BLOC1S5: variants seen among roughly 807,000 people sequenced by gnomAD.
The protein encoded by BLOC1S5 is biogenesis of lysosome-related organelles complex 1 subunit 5.
In BLOC1S5, 27 loss-of-function variants were observed where a neutral mutation model predicts 24.3. That is an observed-to-expected ratio of 1.11 (90% CI 0.82 to 1.53). BLOC1S5 has a LOEUF of 1.53. BLOC1S5 is among the 40% of genes most tolerant of loss of function. BLOC1S5 has a pLI of 0.00. For missense variants in BLOC1S5, 239 were observed against 229.4 expected, an observed-to-expected ratio of 1.04 and a Z score of -0.27; for synonymous variants, 84 against 74.5, an observed-to-expected ratio of 1.13 and a Z score of -0.66.
At chr6:8,020,217 C>T (rs1762872169) in intron 4 of BLOC1S5, among the ~76,000 whole-genome samples, 2 of 152,174 alleles carry the variant, frequency 1.3e-5, no homozygotes, top group Admixed American at 6.5e-5. Context: ...GAAGACCCTT[C>T]GAGACATGGA....
At chr6:8,047,199 C>CACACACACAG (rs796826479) in intron 2 of BLOC1S5, among the ~76,000 whole-genome samples, 139 of 112,688 alleles carry the variant, frequency 1.2e-3, no homozygotes, top group African/African-American at 2.0e-3. Context: ...CACACACACA[C>CACACACACAG]AGTCAACAGT....
chr6:8,059,655 A>G (rs1177314207), intron 2 of BLOC1S5, among the ~76,000 whole-genome samples: 1 of 152,228 alleles, frequency 6.6e-6, no homozygotes, highest in Non-Finnish European at 1.5e-5. Context: ...AAACATGTTG[A>G]GCTTTTTCCT....
At chr6:8,059,285 AAG>A (rs1764435415) in intron 2 of BLOC1S5, among the ~76,000 whole-genome samples, 1 of 152,236 alleles carries the variant, frequency 6.6e-6, no homozygotes, top group African/African-American at 2.4e-5. Context: ...TGAAAACAAA[AAG>A]AGAGCTTAAA....
intron 4 of BLOC1S5, among the ~76,000 whole-genome samples, chr6:8,021,227 G>A (rs1280438096): frequency 6.6e-6 from 1 of 152,190 alleles, no homozygotes; most frequent in Admixed American, 6.5e-5. Context: ...AAGTAGAATG[G>A]TGGTTTCCAG....
At chr6:8,037,784 C>A (rs1055427770) in intron 3 of BLOC1S5, among the ~76,000 whole-genome samples, 1 of 152,042 alleles carries the variant, frequency 6.6e-6, no homozygotes, top group Non-Finnish European at 1.5e-5. Flanking sequence ...ACACACAGGC[C>A]ATGCATGGCA....
intron 2 of BLOC1S5, among the ~76,000 whole-genome samples, chr6:8,055,982 A>G (rs920952137): frequency 5.3e-5 from 8 of 152,188 alleles, no homozygotes; most frequent in Non-Finnish European, 1.2e-4. Context: ...TGCCCTCATG[A>G]ATGGATTAAG....
intron 2 of BLOC1S5, among the ~76,000 whole-genome samples, chr6:8,042,855 A>G (rs917307384): frequency 2.0e-5 from 3 of 152,166 alleles, no homozygotes; most frequent in Admixed American, 6.5e-5. Flanking sequence ...CCAGCCCCCA[A>G]TAAAACCCCT....
At chr6:8,017,321 T>G (rs1762776717) in intron 4 of BLOC1S5, among the ~76,000 whole-genome samples, 1 of 152,054 alleles carries the variant, frequency 6.6e-6, no homozygotes, top group South Asian at 2.1e-4. Context: ...GAGGTTGCAG[T>G]GAGCCGAGAC....
chr6:8,063,290 G>C (rs893563389), intron 1 of BLOC1S5, among the ~76,000 whole-genome samples: 1 of 152,076 alleles, frequency 6.6e-6, no homozygotes, highest in Non-Finnish European at 1.5e-5. Flanking sequence ...TATTAAGGTG[G>C]GTGGTGAATG....
intron 2 of BLOC1S5, among the ~76,000 whole-genome samples, chr6:8,045,914 T>C (rs1763872452): frequency 6.6e-6 from 1 of 152,154 alleles, no homozygotes; most frequent in Non-Finnish European, 1.5e-5. Context: ...CTGTGGACTT[T>C]TGGGATTAAT....
At chr6:8,045,378 C>T (rs1763843350) in intron 2 of BLOC1S5, among the ~76,000 whole-genome samples, 1 of 152,208 alleles carries the variant, frequency 6.6e-6, no homozygotes, top group Non-Finnish European at 1.5e-5. Context: ...GTGGGGCCCT[C>T]ATGGAGAACC....
At chr6:8,039,718 A>G (rs1763615009) in intron 3 of BLOC1S5, among the ~76,000 whole-genome samples, 1 of 152,212 alleles carries the variant, frequency 6.6e-6, no homozygotes, top group Admixed American at 6.5e-5. Flanking sequence ...ACAAATTACT[A>G]GTGAGTGGCT....
chr6:8,044,253 C>T (rs1400148668), intron 2 of BLOC1S5, among the ~76,000 whole-genome samples: 1 of 135,614 alleles, frequency 7.4e-6, no homozygotes, highest in Non-Finnish European at 1.5e-5. Flanking sequence ...CACTGCTCTC[C>T]AGCCTGGGCG....
chr6:8,016,197 A>G (rs1730491987), intron 4 of BLOC1S5, among the ~76,000 whole-genome samples: 7 of 152,046 alleles, frequency 4.6e-5, no homozygotes, highest in Admixed American at 4.6e-4. Flanking sequence ...GTGGTGGCAC[A>G]TGGCTGTAGT....
intron 1 of BLOC1S5, among the ~76,000 whole-genome samples, 155 bp downstream of exon 1, chr6:8,064,109 CG>C (rs1174804563): frequency 6.6e-6 from 1 of 152,136 alleles, no homozygotes; most frequent in Non-Finnish European, 1.5e-5. Flanking sequence ...GCATTTGGCG[CG>C]GGGAAAAAGG....
At chr6:8,021,383 G>A (rs1762911444) in intron 4 of BLOC1S5, among the ~76,000 whole-genome samples, 1 of 152,196 alleles carries the variant, frequency 6.6e-6, no homozygotes, top group African/African-American at 2.4e-5. Flanking sequence ...TGGATCACCT[G>A]AGGTCAGGAG....
chr6:8,032,406 C>T (rs6899811), intron 3 of BLOC1S5, among the ~76,000 whole-genome samples: 5,978 of 151,680 alleles, frequency 0.039, 368 homozygotes, highest in African/African-American at 0.13. Context: ...AACCAGAATT[C>T]GATAAGACCT....
intron 4 of BLOC1S5, among the ~76,000 whole-genome samples, chr6:8,022,568 A>ATTTTTTTTTTTTTTTTTTT (rs35289860): frequency 2.4e-5 from 3 of 124,016 alleles, no homozygotes; most frequent in Non-Finnish European, 3.3e-5. Context: ...TTCAAACTCT[A>ATTTTTTTTTTTTTTTTTTT]TTTTTTTTTT....
chr6:8,034,520 C>T (rs939123818), intron 3 of BLOC1S5, among the ~76,000 whole-genome samples: 3 of 152,106 alleles, frequency 2.0e-5, no homozygotes, highest in Non-Finnish European at 4.4e-5. Flanking sequence ...GGAGAAATAC[C>T]TAACGTAAAT....
Sources: allele counts gnomAD v4.1 joint callset (sites outside exome capture counted in the v4.1 genomes callset), GRCh38; gene constraint gnomAD v4.1.1; transcripts MANE v1.5; gene names NCBI Gene and HGNC (gene_info 2026-07-23, HGNC 2026-07-21).